Variants in RTN4 observed in about 807,000 individuals in gnomAD.
RTN4 encodes the protein reticulon 4.
RTN4 carries 32 observed loss-of-function variants against 90.4 expected under a neutral mutation model. The ratio of observed to expected loss-of-function variants is 0.35; its 90% CI spans 0.27 to 0.48. The LOEUF (loss-of-function observed/expected upper bound fraction) is 0.48. Ranked by LOEUF, RTN4 falls within the 20% of genes least tolerant of loss-of-function variation. The pLI, the probability that RTN4 is intolerant of heterozygous loss-of-function variation, is 0.99. For synonymous variants in RTN4, 629 were observed against 552.5 expected, an observed-to-expected ratio of 1.14 and a Z score of -1.94; for missense variants, 1,706 against 1,430.2, an observed-to-expected ratio of 1.19 and a Z score of -3.11.
chr2:55,004,519 T>C (rs1047096726), intron 3 of RTN4, among the ~76,000 whole-genome samples: 2 of 152,166 alleles, frequency 1.3e-5, no homozygotes, highest in Non-Finnish European at 2.9e-5. Context: ...AAATTCTGAA[T>C]CTACAGAAGT....
rs746611435 is a variant in RTN4, at chr2:54,973,025, AAAT to A, written c.*128_*130del. On this transcript the variant is annotated 3_prime_UTR_variant, in exon 9 of 9. Coordinates refer to ENST00000337526, the MANE Select transcript of RTN4 (RefSeq NM_020532.5). ...TTTCCTCACAACAGTGCATGGCTAA[AAAT>A]AAAGATCTAACAACGATCTGTGAAA... The A allele has an allele frequency of 1.4e-6, 1 of 697,442 alleles. No individual in the cohort carries two copies. The highest frequency in any genetic ancestry group is 2.7e-5 in the East Asian group (1 of 36,818). 43.2% of individuals were successfully genotyped at this position (697,442 alleles called of 1,614,324 possible).
chr2:54,972,391 T>TAAC lies in RTN4; in HGVS notation c.*762_*764dup, dbSNP rs1348302452. On this transcript the variant is annotated 3_prime_UTR_variant, in exon 9 of 9. Coordinates refer to ENST00000337526, the MANE Select transcript of RTN4 (RefSeq NM_020532.5). ...CAGTCCATAGATTCTGTGACAAAAT[T>TAAC]AACTACAGTCAGTCTGTGCAATGAA... 6.6e-6 allele frequency: 1 copy of TAAC among 151,886 alleles called. No individual in the cohort carries two copies. The highest frequency in any genetic ancestry group is 1.5e-5 in the Non-Finnish European group (1 of 67,824). 9.4% of individuals were successfully genotyped at this position (151,886 alleles called of 1,614,324 possible).
At chr2:55,066,176 T>C (rs1203781138) in intron 2 of RTN4, among the ~76,000 whole-genome samples, 1 of 106,186 alleles carries the variant, frequency 9.4e-6, no homozygotes. Context: ...CATTTGTGTG[T>C]GTGTGTGTGT....
chr2:55,047,568 G>T (rs910817656), intron 1 of RTN4, among the ~76,000 whole-genome samples: 15 of 30,416 alleles, frequency 4.9e-4, no homozygotes, highest in African/African-American at 3.3e-3. Flanking sequence ...ATGGAGAAGT[G>T]AATTGAGAAA....
chr2:55,087,841 G>C (rs576163020), intron 1 of RTN4, among the ~76,000 whole-genome samples: 1 of 152,272 alleles, frequency 6.6e-6, no homozygotes, highest in South Asian at 2.1e-4. Context: ...CCAGTGATTT[G>C]TATGGTTGGA....
intron 1 of RTN4, among the ~76,000 whole-genome samples, chr2:55,087,739 T>C (rs1668869660): frequency 6.6e-6 from 1 of 152,100 alleles, no homozygotes; most frequent in Non-Finnish European, 1.5e-5. Context: ...TCAGCTATAC[T>C]AGATATTGGC....
At chr2:55,118,930 C>T in the RTN4 span, among the ~76,000 whole-genome samples, 1 of 152,204 alleles carries the variant, frequency 6.6e-6, no homozygotes, top group African/African-American at 2.4e-5. Context: ...TTGTATTCTA[C>T]ACAAAATGCA....
chr2:55,125,933 T>C, the RTN4 span, among the ~76,000 whole-genome samples: 1 of 151,650 alleles, frequency 6.6e-6, no homozygotes, highest in Non-Finnish European at 1.5e-5. Flanking sequence ...TGGCAGCACA[T>C]GCCTATAGTC....
chr2:55,065,812 G>T (rs1294815367), intron 2 of RTN4, among the ~76,000 whole-genome samples: 2 of 152,148 alleles, frequency 1.3e-5, no homozygotes, highest in Middle Eastern at 6.3e-3. Context: ...ATGGTTACTG[G>T]GTTAGGGAAG....
rs1203339583 is a variant in RTN4 at position 55,105,459 on chromosome 2, A to G, written c.-214+7061T>C. Among the ~76,000 whole-genome samples the G allele has an allele frequency of 2.0e-5, 3 of 151,922 alleles. No homozygotes were observed. In the East Asian group the frequency reaches 5.8e-4, roughly 29 times the overall value. On this transcript the variant is annotated intron_variant, in intron 1 of 3. Transcript: ENST00000427710. The stretch of plus-strand genomic sequence containing the variant: ...TGGCCATGCTGGTCTCAAACTCCTG[A>G]TCTCAAGTGATCTGCCCACTTCAGC...
intron 6 of RTN4, 88 bp downstream of exon 6, chr2:54,974,607 C>A: frequency 9.1e-7 from 1 of 1,103,484 alleles, no homozygotes; most frequent in Non-Finnish European, 1.4e-6. Context: ...ACTTTTCATA[C>A]AATGAGAATA....
chr2:54,972,920 A>T lies in RTN4; in HGVS notation c.*236T>A. 2.6e-6 allele frequency: 1 copy of T among 380,558 alleles called. No individual in the cohort carries two copies. The allele number at this position is 380,558 out of a possible 1,614,324, so 23.6% of individuals were successfully genotyped here. A position where few individuals can be genotyped will look rare whatever the true frequency, so the allele number is the denominator to read the frequency against. On this transcript the variant is annotated 3_prime_UTR_variant, in exon 9 of 9. Transcript: ENST00000337526. ...AGTGCCTCAGATAGATAGGAAAAAG[A>T]TATGATTACGGTTTAAATCCATACA...
At chr2:55,083,516 C>G (rs1449610940) in intron 1 of RTN4, among the ~76,000 whole-genome samples, 1 of 151,876 alleles carries the variant, frequency 6.6e-6, no homozygotes, top group African/African-American at 2.4e-5. Context: ...AAAAAAACAA[C>G]CAGGATGTGA....
rs919271793 is a variant in RTN4, at chr2:55,030,099, G to C, written c.557-1879C>G. ...AATATAGTTAAAAGCCACTAATTCA[G>C]AGGCTAGTCTATCTGGAAAGTGAAC... On this transcript the variant is annotated intron_variant, in intron 1 of 8. Coordinates refer to ENST00000337526, the MANE Select transcript of RTN4 (RefSeq NM_020532.5). Among the ~76,000 whole-genome samples, 4 of 152,242 alleles carry C rather than the reference G, an allele frequency of 2.6e-5. No individual in the cohort carries two copies. In the East Asian group the frequency reaches 7.7e-4, roughly 29 times the overall value.
the RTN4 span, among the ~76,000 whole-genome samples, chr2:55,136,577 T>C: frequency 6.6e-6 from 1 of 152,256 alleles, no homozygotes; most frequent in Admixed American, 6.5e-5. Flanking sequence ...GATGAATTCT[T>C]TCGCCTGAGG....
chr2:55,049,297 C>G (rs754320652), intron 1 of RTN4: 6 of 407,312 alleles, frequency 1.5e-5, no homozygotes, highest in Non-Finnish European at 2.0e-5. Flanking sequence ...AAAACTGCAC[C>G]TTTTCCAAAG....
At chr2:55,011,152 AGTC>A (rs1680599790) in intron 3 of RTN4, among the ~76,000 whole-genome samples, 1 of 152,112 alleles carries the variant, frequency 6.6e-6, no homozygotes, top group African/African-American at 2.4e-5. Flanking sequence ...CTCCCATCTC[AGTC>A]ACCACAGGCA....
intron 3 of RTN4, among the ~76,000 whole-genome samples, 168 bp downstream of exon 3, chr2:55,024,918 G>A (rs1288461015): frequency 6.6e-6 from 1 of 152,188 alleles, no homozygotes; most frequent in Non-Finnish European, 1.5e-5. Flanking sequence ...CTGAGTGCAA[G>A]AGAGTTAGAA....
At chr2:55,084,095 G>T (rs570642976) in intron 1 of RTN4, among the ~76,000 whole-genome samples, 3 of 152,178 alleles carry the variant, frequency 2.0e-5, no homozygotes, top group Non-Finnish European at 2.9e-5. Flanking sequence ...AAGGAAAGAG[G>T]GACTGCATTT....
Sources: allele counts gnomAD v4.1 joint callset (sites outside exome capture counted in the v4.1 genomes callset), GRCh38; gene constraint gnomAD v4.1.1; transcripts MANE v1.5; gene names NCBI Gene and HGNC (gene_info 2026-07-23, HGNC 2026-07-21).